DEPTOR: variants seen among roughly 807,000 people sequenced by gnomAD.
DEPTOR encodes DEP domain containing MTOR interacting protein.
A neutral mutation model predicts 41.6 loss-of-function variants in DEPTOR; 41 were observed. The ratio of observed to expected loss-of-function variants is 0.98; its 90% CI spans 0.77 to 1.28. The LOEUF (loss-of-function observed/expected upper bound fraction) is 1.28. DEPTOR is among the 50% of genes most tolerant of loss of function. DEPTOR has a pLI of 0.00. For synonymous variants in DEPTOR, 195 were observed against 192.3 expected (o/e 1.01, Z -0.12); for missense variants, 514 against 527.9 (o/e 0.97, Z 0.26).
intron 7 of DEPTOR, among the ~76,000 whole-genome samples, chr8:120,008,060 T>C (rs1812471813): frequency 6.6e-6 from 1 of 152,238 alleles, no homozygotes; most frequent in Non-Finnish European, 1.5e-5. Flanking sequence ...GGCTAGGAGC[T>C]GTCCAGGGAA....
chr8:119,975,631 T>G (rs1828687368), intron 4 of DEPTOR, among the ~76,000 whole-genome samples: 1 of 152,038 alleles, frequency 6.6e-6, no homozygotes, highest in African/African-American at 2.4e-5. Context: ...GGATTTTCAG[T>G]ATACTGACTT....
At chr8:119,907,062 T>C (rs1324527758) in intron 1 of DEPTOR, among the ~76,000 whole-genome samples, 1 of 152,198 alleles carries the variant, frequency 6.6e-6, no homozygotes, top group Non-Finnish European at 1.5e-5. Context: ...TTACTGGTGA[T>C]GATTACAACA....
chr8:119,928,743 CTTTTT>C (rs376801517), intron 2 of DEPTOR, among the ~76,000 whole-genome samples, 165 bp downstream of exon 2: 4 of 127,920 alleles, frequency 3.1e-5, no homozygotes, highest in Non-Finnish European at 3.2e-5. Context: ...TGGGTTCTTT[CTTTTT>C]TTTTTTTTTT....
At chr8:119,959,517 A>G (rs971089392) in intron 3 of DEPTOR, among the ~76,000 whole-genome samples, 6 of 149,840 alleles carry the variant, frequency 4.0e-5, no homozygotes, top group African/African-American at 1.2e-4. Flanking sequence ...GATTTGGGAA[A>G]ATATCTAAAT....
At chr8:119,884,403 A>G (rs1827337205) in intron 1 of DEPTOR, among the ~76,000 whole-genome samples, 1 of 152,220 alleles carries the variant, frequency 6.6e-6, no homozygotes, top group South Asian at 2.1e-4. Flanking sequence ...TCTAACAAAC[A>G]TTGAAATTCT....
chr8:119,999,058 G>A (rs1812310288), intron 4 of DEPTOR, among the ~76,000 whole-genome samples: 1 of 152,068 alleles, frequency 6.6e-6, no homozygotes, highest in African/African-American at 2.4e-5. Flanking sequence ...GAGGTTGGGA[G>A]TTTGAAACCA....
intron 1 of DEPTOR, among the ~76,000 whole-genome samples, chr8:119,920,676 C>G (rs1268814157): frequency 6.6e-6 from 1 of 152,140 alleles, no homozygotes; most frequent in Non-Finnish European, 1.5e-5. Flanking sequence ...AAGAGGCGAT[C>G]TAGGGTCAGG....
At chr8:120,022,419 G>A (rs1812733756) in intron 8 of DEPTOR, among the ~76,000 whole-genome samples, 1 of 152,064 alleles carries the variant, frequency 6.6e-6, no homozygotes, top group Non-Finnish European at 1.5e-5. Flanking sequence ...TAAACATCTT[G>A]GTACAATCCT....
intron 8 of DEPTOR, among the ~76,000 whole-genome samples, chr8:120,022,082 CAGT>C (rs1476878542): frequency 4.2e-5 from 6 of 142,972 alleles, no homozygotes; most frequent in African/African-American, 1.3e-4. Flanking sequence ...CACTTGGGCA[CAGT>C]AGTTCAAGGT....
chr8:119,876,650 A>G (rs1259601807), intron 1 of DEPTOR, among the ~76,000 whole-genome samples: 2 of 149,354 alleles, frequency 1.3e-5, no homozygotes, highest in East Asian at 3.9e-4. Flanking sequence ...AAAAAAAAAA[A>G]GAAGAAGAAG....
intron 3 of DEPTOR, among the ~76,000 whole-genome samples, chr8:119,950,802 T>G (rs1828342503): frequency 6.6e-6 from 1 of 152,144 alleles, no homozygotes; most frequent in Non-Finnish European, 1.5e-5. Flanking sequence ...TTTACCATGT[T>G]TGCCAGGCTG....
At chr8:119,994,186 C>T (rs957103904) in intron 4 of DEPTOR, among the ~76,000 whole-genome samples, 4 of 151,948 alleles carry the variant, frequency 2.6e-5, no homozygotes, top group African/African-American at 7.2e-5. Flanking sequence ...CGTGTTGGCT[C>T]ATGCCTGTAA....
At position 119,962,086 on chromosome 8, in the gene DEPTOR, C is replaced by CAA. The variant is rs772605916; in HGVS notation, c.426-3126_426-3125dup. Reference sequence around the variant, plus strand: ...TGAAAACCCATCTCTACTAAAAATACAAAAAAAAAAAAAAAAAAAAAGTAG... The same window carrying CAA: ...TGAAAACCCATCTCTACTAAAAATACAAAAAAAAAAAAAAAAAAAAAAAGTAG... On this transcript the variant is annotated intron_variant, in intron 3 of 8. Transcript: ENST00000286234. Among the ~76,000 whole-genome samples, 55 of 48,192 alleles carry CAA rather than the reference C, an allele frequency of 1.1e-3. No individual in the cohort carries two copies. The South Asian group carries it at 0.034, about 30-fold the overall frequency. 31.6% of individuals were successfully genotyped at this position (48,192 alleles called of 152,430 possible).
Position 119,931,741 on chromosome 8 carries a change from C to A in DEPTOR, c.425+1803C>A, listed in dbSNP as rs531101121. On this transcript the variant is annotated intron_variant, in intron 3 of 8. Transcript: ENST00000286234. ...TTGAATGGAAGGGATCCATCAGAACCTCCATTTGTTTACTTGAACATGTGC... is the reference window on the plus strand; with the variant it reads ...TTGAATGGAAGGGATCCATCAGAACATCCATTTGTTTACTTGAACATGTGC... 5.9e-5 allele frequency among the ~76,000 whole-genome samples: 9 copies of A among 152,266 alleles called. No individual in the cohort carries two copies. In the South Asian group the frequency reaches 1.9e-3, roughly 32 times the overall value.
At chr8:119,936,807 T>A (rs1828119237) in intron 3 of DEPTOR, among the ~76,000 whole-genome samples, 1 of 151,094 alleles carries the variant, frequency 6.6e-6, no homozygotes, top group South Asian at 2.1e-4. Context: ...GTAGATCACT[T>A]TACATCAGGA....
At chr8:120,037,821 G>T (rs1813000986) in intron 8 of DEPTOR, among the ~76,000 whole-genome samples, 1 of 152,030 alleles carries the variant, frequency 6.6e-6, no homozygotes, top group Non-Finnish European at 1.5e-5. Context: ...ATTGTTAAAA[G>T]AGTGAAAATG....
At chr8:119,903,920 A>G (rs1311452402) in intron 1 of DEPTOR, among the ~76,000 whole-genome samples, 1 of 152,142 alleles carries the variant, frequency 6.6e-6, no homozygotes, top group African/African-American at 2.4e-5. Flanking sequence ...CCTCACTGGT[A>G]AATTTAAAAT....
At chr8:120,040,348 G>A (rs547417282) in intron 8 of DEPTOR, among the ~76,000 whole-genome samples, 6 of 152,042 alleles carry the variant, frequency 3.9e-5, no homozygotes, top group South Asian at 4.2e-4. Context: ...AGGCCGAGGC[G>A]GGCAGATCTC....
At position 120,049,449 on chromosome 8, in the gene DEPTOR, G is replaced by A. The variant is rs533716428; in HGVS notation, c.1102-127G>A. On this transcript the variant is annotated intron_variant, in intron 8 of 8. Transcript: ENST00000286234. The stretch of plus-strand genomic sequence containing the variant: ...CCTTGGAAATTATTGAATTGGAGTC[G>A]TCAGCTGGATACATTTGGATATTTT... 1.5e-4 allele frequency: 165 copies of A among 1,100,088 alleles called. No individual in the cohort carries two copies. The African/African-American group carries it at 1.9e-3, about 13-fold the overall frequency. The allele number at this position is 1,100,088 out of a possible 1,614,324, so 68.1% of individuals were successfully genotyped here.
Sources: allele counts gnomAD v4.1 joint callset (sites outside exome capture counted in the v4.1 genomes callset), GRCh38; gene constraint gnomAD v4.1.1; transcripts MANE v1.5; gene names NCBI Gene and HGNC (gene_info 2026-07-23, HGNC 2026-07-21).